Variants in AUTS2 observed in about 807,000 individuals in gnomAD.
AUTS2 encodes the protein activator of transcription and developmental regulator AUTS2.
Under a neutral mutation model 112.4 loss-of-function variants are expected in AUTS2, and 17 were observed. The ratio of observed to expected loss-of-function variants is 0.15; its 90% CI spans 0.10 to 0.23. AUTS2 has a LOEUF of 0.23. Ranked by LOEUF, AUTS2 falls within the 10% of genes least tolerant of loss-of-function variation. AUTS2 has a pLI of 1.00. For missense variants in AUTS2, 1,510 were observed against 1,701.6 expected (o/e 0.89, Z 1.98); for synonymous variants, 751 against 702.7 (o/e 1.07, Z -1.09).
At chr7:69,843,724 C>G (rs1792077522) in intron 1 of AUTS2, among the ~76,000 whole-genome samples, 1 of 152,110 alleles carries the variant, frequency 6.6e-6, no homozygotes, top group Non-Finnish European at 1.5e-5. Context: ...GTGTGGTAAC[C>G]TTCTCATGGC....
chr7:70,665,454 T>TTTATTTATTTA (rs1554455013), intron 5 of AUTS2, among the ~76,000 whole-genome samples: 1 of 150,342 alleles, frequency 6.7e-6, no homozygotes, highest in Non-Finnish European at 1.5e-5. Context: ...TATTTATCTA[T>TTTATTTATTTA]TTATTTATTT....
intron 2 of AUTS2, among the ~76,000 whole-genome samples, chr7:69,899,812 G>T (rs1446567378): frequency 5.3e-5 from 8 of 152,338 alleles, no homozygotes; most frequent in Non-Finnish European, 7.3e-5. Context: ...GCTTGCAGGG[G>T]AGAGATCTTT....
At chr7:70,400,688 A>G (rs1446063938) in intron 4 of AUTS2, among the ~76,000 whole-genome samples, 2 of 152,102 alleles carry the variant, frequency 1.3e-5, no homozygotes, top group Non-Finnish European at 2.9e-5. Context: ...AAGCAAGGAG[A>G]GTCACTGAAA....
chr7:69,621,158 T>G (rs1294667549), intron 1 of AUTS2, among the ~76,000 whole-genome samples: 1 of 152,210 alleles, frequency 6.6e-6, no homozygotes, highest in Non-Finnish European at 1.5e-5. Flanking sequence ...AGAGTGGTTC[T>G]ATGAGGTTGG....
intron 4 of AUTS2, among the ~76,000 whole-genome samples, chr7:70,342,593 T>C (rs1415834705): frequency 1.3e-5 from 2 of 152,124 alleles, no homozygotes; most frequent in Non-Finnish European, 2.9e-5. Flanking sequence ...CTAGTGAGAC[T>C]AAGGAGCTAA....
chr7:70,553,079 C>A (rs1199169330), intron 5 of AUTS2, among the ~76,000 whole-genome samples: 9 of 152,222 alleles, frequency 5.9e-5, no homozygotes, highest in Non-Finnish European at 1.0e-4. Context: ...ACTCCTCTGA[C>A]AAATGAGGAT....
chr7:70,259,438 C>T (rs1231999571), intron 4 of AUTS2, among the ~76,000 whole-genome samples: 3 of 152,144 alleles, frequency 2.0e-5, no homozygotes, highest in African/African-American at 7.2e-5. Flanking sequence ...TCAGTTCATG[C>T]CATTGGCCTC....
At chr7:69,880,358 C>T (rs1320779370) in intron 1 of AUTS2, among the ~76,000 whole-genome samples, 1 of 152,156 alleles carries the variant, frequency 6.6e-6, no homozygotes, top group African/African-American at 2.4e-5. Context: ...AACCATATCA[C>T]CCAGCTGGGA....
intron 2 of AUTS2, among the ~76,000 whole-genome samples, chr7:69,955,737 G>A (rs546601699): frequency 1.0e-3 from 159 of 152,212 alleles, no homozygotes; most frequent in Non-Finnish European, 1.6e-3. Flanking sequence ...ATGTTCCGTG[G>A]CATGGGCAGG....
At chr7:70,688,936 T>C (rs1203994533) in intron 5 of AUTS2, among the ~76,000 whole-genome samples, 1 of 152,254 alleles carries the variant, frequency 6.6e-6, no homozygotes, top group Admixed American at 6.5e-5. Flanking sequence ...AATGACATAA[T>C]TGGGATGCTG....
intron 2 of AUTS2, among the ~76,000 whole-genome samples, chr7:69,907,471 G>C (rs893266180): frequency 6.6e-6 from 1 of 152,122 alleles, no homozygotes; most frequent in Non-Finnish European, 1.5e-5. Context: ...AAATGTTATA[G>C]TATTTTTATG....
intron 6 of AUTS2, among the ~76,000 whole-genome samples, chr7:70,721,296 G>C (rs1786653272): frequency 6.6e-6 from 1 of 151,336 alleles, no homozygotes; most frequent in East Asian, 1.9e-4. Context: ...GTGTGTGTGT[G>C]TGTGTGTGTG....
chr7:70,228,254 A>G (rs1484170857), intron 4 of AUTS2, among the ~76,000 whole-genome samples: 1 of 151,818 alleles, frequency 6.6e-6, no homozygotes, highest in Non-Finnish European at 1.5e-5. Flanking sequence ...TTTAATTTGT[A>G]TTAAACTACA....
intron 2 of AUTS2, among the ~76,000 whole-genome samples, chr7:69,924,874 G>A (rs2129543256): frequency 6.6e-6 from 1 of 152,206 alleles, no homozygotes; most frequent in East Asian, 1.9e-4. Context: ...TTAAATGATA[G>A]GTAGAATTTG....
chr7:69,726,534 A>T (rs190012371), intron 1 of AUTS2, among the ~76,000 whole-genome samples: 1 of 149,548 alleles, frequency 6.7e-6, no homozygotes. Flanking sequence ...TGGCAGACAT[A>T]GGTCATGATT....
At chr7:70,389,542 G>C (rs1478073090) in intron 4 of AUTS2, among the ~76,000 whole-genome samples, 1 of 152,150 alleles carries the variant, frequency 6.6e-6, no homozygotes, top group East Asian at 1.9e-4. Context: ...TCCTTGAAAT[G>C]GGGAGTTGCC....
At chr7:70,480,390 G>A (rs888378540) in intron 5 of AUTS2, among the ~76,000 whole-genome samples, 1 of 152,222 alleles carries the variant, frequency 6.6e-6, no homozygotes, top group Non-Finnish European at 1.5e-5. Flanking sequence ...TAGGATACGT[G>A]CTTTTGCCAA....
At chr7:70,010,385 A>G (rs954547802) in intron 2 of AUTS2, among the ~76,000 whole-genome samples, 5 of 152,164 alleles carry the variant, frequency 3.3e-5, no homozygotes, top group African/African-American at 9.7e-5. Flanking sequence ...GTCTTAAGCA[A>G]TCCTCCTGCT....
intron 5 of AUTS2, among the ~76,000 whole-genome samples, chr7:70,471,500 T>C (rs1324582666): frequency 6.6e-6 from 1 of 152,186 alleles, no homozygotes; most frequent in African/African-American, 2.4e-5. Flanking sequence ...TCCCTCAAAA[T>C]CATTTTATCA....
Sources: allele counts gnomAD v4.1 joint callset (sites outside exome capture counted in the v4.1 genomes callset), GRCh38; gene constraint gnomAD v4.1.1; transcripts MANE v1.5; gene names NCBI Gene and HGNC (gene_info 2026-07-23, HGNC 2026-07-21).